LRRC37A2: variants seen among roughly 807,000 people sequenced by gnomAD.
LRRC37A2 encodes the protein leucine rich repeat containing 37 member A2, also known as leucine-rich repeat-containing protein 37A2.
In LRRC37A2, 9 loss-of-function variants were observed where a neutral mutation model predicts 68.8. That is an observed-to-expected ratio of 0.13 (90% CI 0.08 to 0.23). LRRC37A2 has a LOEUF of 0.23. Ranked by LOEUF, LRRC37A2 falls within the 10% of genes least tolerant of loss-of-function variation. The pLI is 1.00. For missense variants in LRRC37A2, 168 were observed against 950.4 expected, an observed-to-expected ratio of 0.18 and a Z score of 10.82; for synonymous variants, 63 against 367.6, an observed-to-expected ratio of 0.17 and a Z score of 9.48.
At chr17:46,750,034 C>G in the LRRC37A2 span, 1 of 1,099,020 alleles carries the variant, frequency 9.1e-7, no homozygotes, top group Non-Finnish European at 1.3e-6. Context: ...GGGGATATTA[C>G]AGGTTGTATA....
the LRRC37A2 span, among the ~76,000 whole-genome samples, chr17:46,752,206 G>C: frequency 6.6e-6 from 1 of 152,204 alleles, no homozygotes; most frequent in Non-Finnish European, 1.5e-5. Context: ...CCAGGGTGCT[G>C]CCTGGGCAAA....
At chr17:46,489,779 C>T in the LRRC37A2 span, among the ~76,000 whole-genome samples, 7 of 150,108 alleles carry the variant, frequency 4.7e-5, no homozygotes, top group Non-Finnish European at 7.4e-5. Flanking sequence ...TGAGCCACTG[C>T]GCCTGGCCTG....
intron 2 of LRRC37A2, among the ~76,000 whole-genome samples, chr17:46,516,229 G>A (rs1428033943): frequency 1.4e-5 from 2 of 138,496 alleles, no homozygotes; most frequent in Non-Finnish European, 3.3e-5. Context: ...CATGAACCTG[G>A]GAGGCAGAGC....
At chr17:46,882,910 C>T in the LRRC37A2 span, among the ~76,000 whole-genome samples, 1 of 152,166 alleles carries the variant, frequency 6.6e-6, no homozygotes, top group Non-Finnish European at 1.5e-5. Context: ...CCACCCCACA[C>T]AGGCATTCCT....
the LRRC37A2 span, among the ~76,000 whole-genome samples, chr17:46,728,241 A>G: frequency 6.6e-6 from 1 of 152,144 alleles, no homozygotes; most frequent in Non-Finnish European, 1.5e-5. Context: ...CTGAGGGCCA[A>G]TCTTAGTGGT....
the LRRC37A2 span, among the ~76,000 whole-genome samples, chr17:46,821,410 G>A: frequency 6.8e-4 from 103 of 152,318 alleles, no homozygotes; most frequent in African/African-American, 2.4e-3. Flanking sequence ...GCGCTGCCGC[G>A]GGTGGAAACG....
At chr17:46,838,921 A>C in the LRRC37A2 span, among the ~76,000 whole-genome samples, 1 of 152,120 alleles carries the variant, frequency 6.6e-6, no homozygotes. Context: ...TCTGTCGCCC[A>C]GGCTGGAGTG....
the LRRC37A2 span, chr17:46,939,220 T>C: frequency 2.8e-6 from 3 of 1,070,966 alleles, no homozygotes; most frequent in Non-Finnish European, 3.4e-6. Flanking sequence ...GCCATTATAT[T>C]AAATAGTAGG....
At chr17:47,026,112 A>C in the LRRC37A2 span, among the ~76,000 whole-genome samples, 1 of 151,610 alleles carries the variant, frequency 6.6e-6, no homozygotes, top group Non-Finnish European at 1.5e-5. Context: ...AAGAGGAAAA[A>C]ATGCCTTCAA....
the LRRC37A2 span, chr17:46,755,911 G>A: frequency 7.6e-7 from 1 of 1,313,828 alleles, no homozygotes; most frequent in South Asian, 1.3e-5. Flanking sequence ...TCAAGATACT[G>A]GACTAAGTGG....
chr17:47,019,630 A>G, the LRRC37A2 span: 3 of 1,436,230 alleles, frequency 2.1e-6, no homozygotes, highest in Non-Finnish European at 2.9e-6. Flanking sequence ...TACATCCAAG[A>G]TAAGGCTTTA....
chr17:46,788,017 G>A, the LRRC37A2 span, among the ~76,000 whole-genome samples: 1 of 151,920 alleles, frequency 6.6e-6, no homozygotes, highest in African/African-American at 2.4e-5. Flanking sequence ...CCTCAGTGCA[G>A]GTGACCAGTC....
At chr17:46,847,956 G>A in the LRRC37A2 span, among the ~76,000 whole-genome samples, 1 of 136,100 alleles carries the variant, frequency 7.3e-6, no homozygotes, top group African/African-American at 2.8e-5. Context: ...CATCATGTTT[G>A]TGATTTCCAA....
chr17:46,944,047 A>G, the LRRC37A2 span, among the ~76,000 whole-genome samples: 2 of 152,150 alleles, frequency 1.3e-5, no homozygotes, highest in African/African-American at 4.8e-5. Context: ...CCTTCCAGGC[A>G]TCTGTGACAT....
chr17:46,860,156 C>T, the LRRC37A2 span, among the ~76,000 whole-genome samples: 7 of 152,154 alleles, frequency 4.6e-5, no homozygotes, highest in African/African-American at 1.7e-4. Flanking sequence ...CCCTGAGGAG[C>T]TGGGCTCCAG....
the LRRC37A2 span, chr17:46,923,795 C>T: frequency 2.5e-6 from 1 of 406,036 alleles, no homozygotes; most frequent in East Asian, 3.6e-5. Context: ...TTTAGTTTCT[C>T]ATAACTTAAA....
chr17:46,941,880 C>T, the LRRC37A2 span: 2 of 974,242 alleles, frequency 2.1e-6, no homozygotes, highest in Non-Finnish European at 2.4e-6. Context: ...GCCACTGTAC[C>T]TGGCCTCTAA....
At chr17:46,533,424 C>T (rs2054020526) in intron 6 of LRRC37A2, among the ~76,000 whole-genome samples, 1 of 130,132 alleles carries the variant, frequency 7.7e-6, no homozygotes, top group Non-Finnish European at 1.6e-5. Context: ...GTTATTGTCA[C>T]ACATTACATC....
the LRRC37A2 span, among the ~76,000 whole-genome samples, chr17:46,896,122 C>A: frequency 5.0e-4 from 76 of 151,732 alleles, 1 homozygote; most frequent in South Asian, 3.1e-3. Flanking sequence ...ACTAAAAAAA[C>A]CAAAAAGAAA....
Sources: gnomAD v4.1 joint callset for allele counts (sites outside exome capture counted in the v4.1 genomes callset) on GRCh38, gnomAD v4.1.1 for gene constraint, MANE v1.5 for transcripts, NCBI Gene and HGNC (gene_info 2026-07-23, HGNC 2026-07-21) for gene names.